The following CXADR variants were observed in gnomAD, a reference collection of about 807,000 sequenced individuals.
CXADR encodes CXADR cell adhesion molecule.
Under a neutral mutation model 40.3 loss-of-function variants are expected in CXADR, and 20 were observed. The ratio of observed to expected loss-of-function variants is 0.50; its 90% CI spans 0.35 to 0.72. The LOEUF (loss-of-function observed/expected upper bound fraction) is 0.72. Among genes scored for constraint, CXADR ranks in the 30% least tolerant of loss-of-function variants. CXADR has a pLI of 0.01. For missense variants in CXADR, 332 were observed against 449.1 expected (o/e 0.74, Z 2.36); for synonymous variants, 150 against 161.3 (o/e 0.93, Z 0.53).
intron 7 of CXADR, among the ~76,000 whole-genome samples, chr21:17,592,423 C>T (rs1219292593): frequency 1.3e-5 from 2 of 151,856 alleles, no homozygotes; most frequent in Admixed American, 1.3e-4. Context: ...TGAGTATTTT[C>T]CATACATGGT....
intron 2 of CXADR, 98 bp from the exon 3 acceptor site, chr21:17,551,651 G>T: frequency 3.1e-6 from 3 of 970,878 alleles, no homozygotes; most frequent in Non-Finnish European, 3.1e-6. Flanking sequence ...CTGGGAGGGG[G>T]CGTTCTGTAG....
intron 7 of CXADR, among the ~76,000 whole-genome samples, chr21:17,579,281 TTC>T (rs936111723): frequency 3.6e-5 from 5 of 138,328 alleles, no homozygotes; most frequent in Non-Finnish European, 4.8e-5. Context: ...TTTTCCTTTC[TTC>T]TCTTTTCTTT....
the CXADR span, among the ~76,000 whole-genome samples, chr21:17,610,312 G>T: frequency 1.3e-5 from 2 of 152,134 alleles, no homozygotes; most frequent in African/African-American, 4.8e-5. Flanking sequence ...TTAAATGGGT[G>T]AATTGCATGG....
intron 3 of CXADR, among the ~76,000 whole-genome samples, chr21:17,556,875 A>ATACCCCGAACT (rs1482691074): frequency 6.6e-6 from 1 of 152,190 alleles, no homozygotes; most frequent in Admixed American, 6.5e-5. Context: ...TTAGTTGAAG[A>ATACCCCGAACT]TACCCCACTG....
chr21:17,549,144 T>C (rs535552267), intron 2 of CXADR, among the ~76,000 whole-genome samples: 20 of 152,316 alleles, frequency 1.3e-4, no homozygotes, highest in African/African-American at 4.8e-4. Context: ...TTTAATTGTA[T>C]ATACTTAAGC....
chr21:17,594,218 C>A, downstream of CXADR: 1 of 1,613,284 alleles, frequency 6.2e-7, no homozygotes, highest in Non-Finnish European at 8.5e-7. Context: ...TTTGGATAAC[C>A]AAATGGAACA....
At chr21:17,525,905 T>C (rs2060593117) in intron 1 of CXADR, among the ~76,000 whole-genome samples, 2 of 152,214 alleles carry the variant, frequency 1.3e-5, no homozygotes, top group African/African-American at 2.4e-5. Context: ...AAGCCACATA[T>C]GTAATTTAAA....
downstream of CXADR, among the ~76,000 whole-genome samples, chr21:17,574,774 G>C (rs2061306588): frequency 6.6e-6 from 1 of 152,134 alleles, no homozygotes; most frequent in South Asian, 2.1e-4. Flanking sequence ...AAGGAAATCA[G>C]TTTTGAACAT....
At chr21:17,598,275 G>A (rs2061529504), downstream of CXADR, among the ~76,000 whole-genome samples, 1 of 151,944 alleles carries the variant, frequency 6.6e-6, no homozygotes, top group Admixed American at 6.6e-5. Flanking sequence ...TAAACCCAAA[G>A]GTACAAAACA....
chr21:17,609,182 A>G, the CXADR span: 3 of 1,589,452 alleles, frequency 1.9e-6, no homozygotes, highest in Non-Finnish European at 2.6e-6. Flanking sequence ...TTTCTCAGAA[A>G]AACAAAATAT....
At chr21:17,583,423 T>C (rs1279707677) in intron 7 of CXADR, among the ~76,000 whole-genome samples, 3 of 152,232 alleles carry the variant, frequency 2.0e-5, no homozygotes, top group Non-Finnish European at 4.4e-5. Context: ...TAAATGTCTA[T>C]AGTAGTCATA....
intron 5 of CXADR, among the ~76,000 whole-genome samples, chr21:17,561,073 A>G (rs535259969): frequency 2.0e-5 from 3 of 152,378 alleles, no homozygotes; most frequent in East Asian, 3.8e-4. Flanking sequence ...AAGTATGAGT[A>G]GCTTAGAACA....
chr21:17,534,953 T>G (rs2060735749), intron 1 of CXADR, among the ~76,000 whole-genome samples: 2 of 151,784 alleles, frequency 1.3e-5, no homozygotes, highest in African/African-American at 4.8e-5. Flanking sequence ...CCAAGCTAAT[T>G]TTTGTGTTTT....
At chr21:17,528,438 G>T (rs143264475) in intron 1 of CXADR, among the ~76,000 whole-genome samples, 1 of 149,476 alleles carries the variant, frequency 6.7e-6, no homozygotes, top group South Asian at 2.1e-4. Flanking sequence ...ATGGAGTTTC[G>T]CTCGTTACCC....
intron 1 of CXADR, among the ~76,000 whole-genome samples, chr21:17,537,289 TA>T (rs1251362060): frequency 6.6e-6 from 1 of 152,250 alleles, no homozygotes; most frequent in Non-Finnish European, 1.5e-5. Flanking sequence ...TTTTTTTCAC[TA>T]TTTGTAAATG....
chr21:17,579,558 A>G (rs1394461019), intron 7 of CXADR, among the ~76,000 whole-genome samples: 1 of 152,196 alleles, frequency 6.6e-6, no homozygotes, highest in Non-Finnish European at 1.5e-5. Flanking sequence ...TGTTGGGATT[A>G]CAGGCGTGAG....
intron 1 of CXADR, among the ~76,000 whole-genome samples, chr21:17,543,356 A>T (rs1057000970): frequency 6.6e-6 from 1 of 152,206 alleles, no homozygotes; most frequent in African/African-American, 2.4e-5. Flanking sequence ...TTTTATTTTG[A>T]TCACTTTGTA....
At chr21:17,587,884 T>G (rs2123398451) in intron 7 of CXADR, among the ~76,000 whole-genome samples, 1 of 152,336 alleles carries the variant, frequency 6.6e-6, no homozygotes, top group South Asian at 2.1e-4. Context: ...ATGTAAGTCT[T>G]TAATCCATCT....
chr21:17,550,455 T>C (rs1291605200), intron 2 of CXADR, among the ~76,000 whole-genome samples: 3 of 152,078 alleles, frequency 2.0e-5, no homozygotes, highest in Non-Finnish European at 2.9e-5. Flanking sequence ...AAGAAGTTTC[T>C]GCAGAATAAA....
Sources: allele counts gnomAD v4.1 joint callset (sites outside exome capture counted in the v4.1 genomes callset), GRCh38; gene constraint gnomAD v4.1.1; transcripts MANE v1.5; gene names NCBI Gene and HGNC (gene_info 2026-07-23, HGNC 2026-07-21).